The following INPP5B variants were observed in gnomAD, a reference collection of about 807,000 sequenced individuals.
INPP5B encodes the protein inositol polyphosphate-5-phosphatase B.
In INPP5B, 90 loss-of-function variants were observed where a neutral mutation model predicts 118.5. The ratio of observed to expected loss-of-function variants is 0.76; its 90% confidence interval spans 0.64 to 0.90. The LOEUF is 0.90. INPP5B is among the 40% of genes least tolerant of loss of function. The pLI is 0.00. For synonymous variants in INPP5B, 385 were observed against 418.9 expected (o/e 0.92, Z 0.99); for missense variants, 984 against 1,125.6 (o/e 0.87, Z 1.80).
At chr1:37,883,847 C>A in intron 13 of INPP5B, 1 of 985,396 alleles carries the variant, frequency 1.0e-6, no homozygotes, top group Non-Finnish European at 1.2e-6. Context: ...GCAGATATCA[C>A]GGCCCCAGTG....
intron 7 of INPP5B, among the ~76,000 whole-genome samples, chr1:37,901,706 G>C (rs189670765): frequency 7.0e-4 from 107 of 152,256 alleles, no homozygotes; most frequent in African/African-American, 2.4e-3. Flanking sequence ...TGATGTGGGG[G>C]ATTTCCAGCC....
At chr1:37,891,759 A>G (rs992168157) in intron 7 of INPP5B, among the ~76,000 whole-genome samples, 3 of 152,206 alleles carry the variant, frequency 2.0e-5, no homozygotes, top group Non-Finnish European at 4.4e-5. Context: ...GGGCAACAAG[A>G]GCAAAACTCC....
At chr1:37,924,615 C>T (rs184068378) in intron 7 of INPP5B, among the ~76,000 whole-genome samples, 21 of 152,100 alleles carry the variant, frequency 1.4e-4, no homozygotes, top group African/African-American at 5.1e-4. Context: ...CGTTTAATAT[C>T]GTACAAAGAG....
intron 8 of INPP5B, among the ~76,000 whole-genome samples, chr1:37,890,735 G>T (rs1482835784): frequency 6.6e-6 from 1 of 152,120 alleles, no homozygotes; most frequent in Non-Finnish European, 1.5e-5. Context: ...TTTCAAGGGA[G>T]GGCTAGACTG....
chr1:37,940,453 A>T (rs1645869537), intron 6 of INPP5B, among the ~76,000 whole-genome samples: 1 of 152,198 alleles, frequency 6.6e-6, no homozygotes. Context: ...CCCTGCCCAG[A>T]GCCAGGAGAG....
chr1:37,863,791 A>G (rs1400957143), intron 23 of INPP5B, among the ~76,000 whole-genome samples: 2 of 149,902 alleles, frequency 1.3e-5, no homozygotes, highest in Non-Finnish European at 3.0e-5. Flanking sequence ...TCGTTGACCA[A>G]GATGTTATAT....
intron 7 of INPP5B, among the ~76,000 whole-genome samples, chr1:37,919,100 T>A (rs564210621): frequency 6.6e-6 from 1 of 152,260 alleles, no homozygotes; most frequent in East Asian, 1.9e-4. Context: ...TTTGCATGCA[T>A]GAGGACATCA....
Position 37,946,337 on chromosome 1 carries a change from G to A in INPP5B, c.-26-3C>T. 1.9e-6 allele frequency: 3 copies of A among 1,604,416 alleles called. No individual in the cohort carries two copies. The highest frequency in any genetic ancestry group is 2.6e-6 in the Non-Finnish European group (3 of 1,175,192). ...GGCCCCTGCTGAGCGCACACACCCT[G>A]TGGGAGGGGAGATAGGAGCCCCGCT... On this transcript the variant is annotated splice_region_variant and splice_polypyrimidine_tract_variant and intron_variant, in intron 1 of 23. Transcript: ENST00000373024.
chr1:37,872,807 C>T, intron 19 of INPP5B, 123 bp downstream of exon 19: 1 of 714,802 alleles, frequency 1.4e-6, no homozygotes, highest in Non-Finnish European at 2.4e-6. Context: ...AGCTGATACA[C>T]TAAGCAAGCT....
At chr1:37,868,986 TA>T (rs1188478334) in intron 19 of INPP5B, among the ~76,000 whole-genome samples, 1 of 152,132 alleles carries the variant, frequency 6.6e-6, no homozygotes, top group East Asian at 1.9e-4. Context: ...GATTTTCTTT[TA>T]TTTTTTTTTA....
chr1:37,931,622 C>T (rs1645464601), intron 7 of INPP5B: 1 of 1,536,884 alleles, frequency 6.5e-7, no homozygotes, highest in Non-Finnish European at 8.7e-7. Flanking sequence ...GCCGGGCGCA[C>T]CGCCGCCCCC....
chr1:37,870,429 A>G (rs1360410874), intron 19 of INPP5B, among the ~76,000 whole-genome samples: 1 of 152,216 alleles, frequency 6.6e-6, no homozygotes, highest in Admixed American at 6.5e-5. Context: ...AGTTTCTCTA[A>G]TGTACTGCTA....
chr1:37,898,527 C>T (rs1365340720), intron 7 of INPP5B, among the ~76,000 whole-genome samples: 2 of 152,084 alleles, frequency 1.3e-5, no homozygotes, highest in East Asian at 3.9e-4. Context: ...AACCCCATCT[C>T]TACTAAAAAT....
At chr1:37,899,685 A>G (rs1179575495) in intron 7 of INPP5B, among the ~76,000 whole-genome samples, 1 of 152,022 alleles carries the variant, frequency 6.6e-6, no homozygotes. Flanking sequence ...AGCAATTTGA[A>G]AAAATAATAC....
intron 7 of INPP5B, among the ~76,000 whole-genome samples, chr1:37,895,386 C>T (rs1289411558): frequency 6.6e-6 from 1 of 152,138 alleles, no homozygotes; most frequent in African/African-American, 2.4e-5. Context: ...CCCAGCTATT[C>T]GGGAGGCTGA....
chr1:37,931,533 A>G, intron 7 of INPP5B: 1 of 1,536,026 alleles, frequency 6.5e-7, no homozygotes, highest in Non-Finnish European at 8.7e-7. Context: ...CCAGTGTCCC[A>G]GCCTCCAGAG....
intron 7 of INPP5B, among the ~76,000 whole-genome samples, chr1:37,928,164 A>T (rs1000123130): frequency 2.0e-5 from 3 of 151,968 alleles, no homozygotes; most frequent in African/African-American, 7.3e-5. Flanking sequence ...CCTGCCGTGA[A>T]TCAAAAACAG....
intron 17 of INPP5B, among the ~76,000 whole-genome samples, chr1:37,874,821 C>G (rs1642690254): frequency 6.6e-6 from 1 of 152,088 alleles, no homozygotes; most frequent in South Asian, 2.1e-4. Flanking sequence ...ACAAAAAACG[C>G]CTTCACCTTA....
At chr1:37,914,456 T>C (rs1644803079) in intron 7 of INPP5B, among the ~76,000 whole-genome samples, 1 of 152,116 alleles carries the variant, frequency 6.6e-6, no homozygotes, top group Non-Finnish European at 1.5e-5. Context: ...TATAAATAGC[T>C]TCAGACTTCC....
Sources: gnomAD v4.1 joint callset for allele counts (sites outside exome capture counted in the v4.1 genomes callset) on GRCh38, gnomAD v4.1.1 for gene constraint, MANE v1.5 for transcripts, NCBI Gene and HGNC (gene_info 2026-07-23, HGNC 2026-07-21) for gene names.